FRK: variants seen among roughly 807,000 people sequenced by gnomAD.
The protein encoded by FRK is fyn related Src family tyrosine kinase.
In FRK, 51 loss-of-function variants were observed where a neutral mutation model predicts 56.4. That is an observed-to-expected ratio of 0.90 (90% CI 0.72 to 1.14). The LOEUF is 1.14. Ranked by LOEUF, FRK falls within the 50% of genes most tolerant of loss-of-function variation. FRK has a pLI of 0.00. For synonymous variants in FRK, 245 were observed against 217.9 expected, an observed-to-expected ratio of 1.12 and a Z score of -1.10; for missense variants, 570 against 601.4, an observed-to-expected ratio of 0.95 and a Z score of 0.55.
At chr6:116,058,803 T>C (rs887549172) in intron 1 of FRK, among the ~76,000 whole-genome samples, 2 of 148,626 alleles carry the variant, frequency 1.3e-5, no homozygotes, top group Non-Finnish European at 3.0e-5. Context: ...CCCAGCTACT[T>C]GGAAGGCTGA....
chr6:116,009,993 C>T (rs555526560), intron 1 of FRK, among the ~76,000 whole-genome samples: 39 of 152,122 alleles, frequency 2.6e-4, no homozygotes, highest in African/African-American at 8.2e-4. Flanking sequence ...TTTGGGAGGC[C>T]GAGGTGGGTG....
Position 115,956,605 on chromosome 6 carries a change from T to A in FRK, c.805A>T (p.Met269Leu), listed in dbSNP as rs200172011. 2 of 1,550,608 alleles carry A rather than the reference T, an allele frequency of 1.3e-6. No individual in the cohort carries two copies. The highest frequency in any genetic ancestry group is 4.0e-5 in the Admixed American group (2 of 50,530). Residue 269 changes from methionine (M) to leucine (L), a missense_variant, in exon 5 of 8, where the codon ATG becomes TTG. By Grantham distance (15) the Met-to-Leu change is conservative. Transcript: ENST00000606080. ...VAVKTLKPGS[M>L]DPNDFLREAQ... Reference sequence around the variant, plus strand: ...TCCCTCAGGAAGTCATTTGGATCCATTGAACCTGAAACAAGAAGAGGGAGA... The same window carrying A: ...TCCCTCAGGAAGTCATTTGGATCCAATGAACCTGAAACAAGAAGAGGGAGA...
upstream of FRK, among the ~76,000 whole-genome samples, chr6:116,064,241 G>A (rs931402782): frequency 2.6e-5 from 4 of 152,128 alleles, no homozygotes; most frequent in Admixed American, 6.5e-5. Context: ...GGGTTCAGGC[G>A]ATGCATGAAT....
chr6:115,981,239 T>C (rs1450102597), intron 2 of FRK, among the ~76,000 whole-genome samples: 1 of 152,104 alleles, frequency 6.6e-6, no homozygotes, highest in African/African-American at 2.4e-5. Context: ...TCACAACTTC[T>C]CTTATTCTAT....
the FRK span, among the ~76,000 whole-genome samples, chr6:116,070,851 A>G: frequency 2.0e-5 from 3 of 152,158 alleles, no homozygotes; most frequent in African/African-American, 4.8e-5. Flanking sequence ...TAGAGCTTCA[A>G]GAATTTCTTG....
the FRK span, among the ~76,000 whole-genome samples, chr6:116,069,129 C>A: frequency 2.6e-5 from 4 of 152,200 alleles, no homozygotes; most frequent in East Asian, 5.8e-4. Context: ...ATCTACCTAG[C>A]AGCAACATTA....
chr6:115,997,682 A>G (rs182245251), intron 2 of FRK, among the ~76,000 whole-genome samples: 1 of 152,078 alleles, frequency 6.6e-6, no homozygotes, highest in Admixed American at 6.6e-5. Context: ...TGTCAGTTTT[A>G]TCTTCTAGAT....
intron 2 of FRK, among the ~76,000 whole-genome samples, chr6:115,978,990 G>C (rs1774093219): frequency 1.2e-4 from 18 of 151,144 alleles, no homozygotes. Context: ...GGAGGTCAAG[G>C]CTGCAGTGAG....
intron 2 of FRK, among the ~76,000 whole-genome samples, chr6:115,999,262 ACTAT>A (rs1211696628): frequency 6.6e-6 from 1 of 152,234 alleles, no homozygotes; most frequent in East Asian, 1.9e-4. Flanking sequence ...GGTCACTAAA[ACTAT>A]CTGTCATGCA....
At chr6:115,983,032 A>G (rs983860701) in intron 2 of FRK, among the ~76,000 whole-genome samples, 51 of 151,450 alleles carry the variant, frequency 3.4e-4, no homozygotes, top group African/African-American at 1.1e-3. Context: ...GGATTGCACC[A>G]CTGCACTCCA....
At chr6:115,951,476 C>G (rs909478026) in intron 5 of FRK, among the ~76,000 whole-genome samples, 2 of 152,040 alleles carry the variant, frequency 1.3e-5, no homozygotes, top group Non-Finnish European at 1.5e-5. Flanking sequence ...GGGGGAAAAA[C>G]AAGCCAAACT....
Position 115,944,276 on chromosome 6 carries a change from C to G in FRK, c.1108G>C (p.Val370Leu), listed in dbSNP as rs1307436084. 1.9e-6 allele frequency: 3 copies of G among 1,611,208 alleles called. No homozygotes were observed. Among genetic ancestry groups the G allele is most frequent in the Non-Finnish European group, 1.7e-6 (2 of 1,179,246 alleles). The change falls in exon 6 of 8, where the codon GTA (valine) becomes CTA (leucine). Residue 370 changes from valine (V) to leucine (L), a missense_variant. Physicochemically the swap from Val to Leu is conservative, Grantham distance 32. Coordinates refer to ENST00000606080, the MANE Select transcript of FRK (RefSeq NM_002031.3). ...VLVGEHNIYK[V>L]ADFGLARVFK... The stretch of plus-strand genomic sequence containing the variant: ...ACTCTGGCAAGTCCAAAATCTGCTA[C>G]TTTGTAGATATTATGTTCACCAACG...
intron 1 of FRK, among the ~76,000 whole-genome samples, chr6:116,050,652 T>C (rs951907480): frequency 7.2e-5 from 11 of 152,192 alleles, no homozygotes; most frequent in African/African-American, 2.4e-4. Context: ...ACAACATTCT[T>C]GGTTTACTAA....
chr6:115,974,357 A>T (rs1314189702), intron 2 of FRK, among the ~76,000 whole-genome samples: 1 of 152,176 alleles, frequency 6.6e-6, no homozygotes, highest in East Asian at 1.9e-4. Flanking sequence ...GGCTTTGGAG[A>T]TTGCTACCGA....
chr6:116,002,621 G>A, intron 2 of FRK: 2 of 434,762 alleles, frequency 4.6e-6, no homozygotes, highest in Non-Finnish European at 9.4e-6. Flanking sequence ...ACAAAAAAAT[G>A]GTAATTGACA....
rs1337615414 is a variant in FRK at position 115,941,054 on chromosome 6, T to C, written c.*1360A>G. 1 of 152,182 alleles carries C rather than the reference T, an allele frequency of 6.6e-6. No individual in the cohort carries two copies. The highest frequency in any genetic ancestry group is 1.5e-5 in the Non-Finnish European group (1 of 68,036). 9.4% of individuals were successfully genotyped at this position (152,182 alleles called of 1,614,324 possible). ...GCTATAAAGACACATGCATGTTTAT[T>C]GTGGCACTATTCACAATAGCAAAGA... On this transcript the variant is annotated 3_prime_UTR_variant, in exon 8 of 8. Coordinates refer to ENST00000606080, the MANE Select transcript of FRK (RefSeq NM_002031.3).
the FRK span, among the ~76,000 whole-genome samples, chr6:116,069,530 G>A: frequency 6.6e-6 from 1 of 152,092 alleles, no homozygotes; most frequent in African/African-American, 2.4e-5. Context: ...CAATACTTGA[G>A]GGGGCTGAGT....
chr6:116,023,187 T>C (rs1284592922), intron 1 of FRK, among the ~76,000 whole-genome samples: 2 of 152,318 alleles, frequency 1.3e-5, no homozygotes, highest in Non-Finnish European at 2.9e-5. Flanking sequence ...ATCTCTCATA[T>C]GTAAAGTCAA....
intron 1 of FRK, among the ~76,000 whole-genome samples, chr6:116,050,361 T>G (rs997291832): frequency 6.6e-6 from 1 of 152,188 alleles, no homozygotes; most frequent in Non-Finnish European, 1.5e-5. Context: ...TCTTAACCAA[T>G]TCTAGCTTTA....
Sources: allele counts gnomAD v4.1 joint callset (sites outside exome capture counted in the v4.1 genomes callset), GRCh38; gene constraint gnomAD v4.1.1; transcripts MANE v1.5; gene names NCBI Gene and HGNC (gene_info 2026-07-23, HGNC 2026-07-21).